Variants in PALM2AKAP2 observed in about 807,000 individuals in gnomAD.
PALM2AKAP2 encodes the protein PALM2-AKAP2 fusion protein.
A neutral mutation model predicts 71.5 loss-of-function variants in PALM2AKAP2; 37 were observed. That is an observed-to-expected ratio of 0.52 (90% CI 0.40 to 0.68). The LOEUF is 0.68. PALM2AKAP2 is among the 30% of genes least tolerant of loss of function. PALM2AKAP2 has a pLI of 0.00. For synonymous variants in PALM2AKAP2, 468 were observed against 478.8 expected, an observed-to-expected ratio of 0.98 and a Z score of 0.29; for missense variants, 1,224 against 1,191.8, an observed-to-expected ratio of 1.03 and a Z score of -0.40.
intron 6 of PALM2AKAP2, among the ~76,000 whole-genome samples, chr9:109,977,031 T>TAAAA (rs372182036): frequency 4.8e-5 from 7 of 144,956 alleles, no homozygotes; most frequent in Non-Finnish European, 9.1e-5. Context: ...AGGGCTTGTT[T>TAAAA]AAAAAAAAAA....
At chr9:110,014,213 G>A (rs1476188939) in intron 6 of PALM2AKAP2, among the ~76,000 whole-genome samples, 1 of 152,096 alleles carries the variant, frequency 6.6e-6, no homozygotes, top group African/African-American at 2.4e-5. Context: ...GCTATCCTTA[G>A]ATAACTATCT....
At chr9:110,154,564 G>A (rs1004785177) in intron 2 of PALM2AKAP2, among the ~76,000 whole-genome samples, 2 of 152,140 alleles carry the variant, frequency 1.3e-5, no homozygotes, top group Non-Finnish European at 2.9e-5. Flanking sequence ...AATGTTTATA[G>A]GGGTCATTAT....
At chr9:109,986,710 A>G (rs1006360233) in intron 6 of PALM2AKAP2, among the ~76,000 whole-genome samples, 4 of 152,308 alleles carry the variant, frequency 2.6e-5, no homozygotes, top group African/African-American at 9.6e-5. Context: ...CTTCATCACA[A>G]TTCTTGCCTT....
chr9:110,142,336 G>T (rs10980219), intron 2 of PALM2AKAP2, among the ~76,000 whole-genome samples: 1 of 151,920 alleles, frequency 6.6e-6, no homozygotes, highest in Non-Finnish European at 1.5e-5. Flanking sequence ...CAGGTGATCC[G>T]CCCGCCTTGG....
At chr9:110,023,403 C>G (rs1242262573) in intron 7 of PALM2AKAP2, among the ~76,000 whole-genome samples, 1 of 147,844 alleles carries the variant, frequency 6.8e-6, no homozygotes, top group Non-Finnish European at 1.5e-5. Context: ...CAACCTCTAC[C>G]TCCTGGGTTC....
intron 1 of PALM2AKAP2, among the ~76,000 whole-genome samples, chr9:110,097,005 G>T (rs1484378290): frequency 5.4e-5 from 8 of 147,848 alleles, no homozygotes; most frequent in Non-Finnish European, 7.5e-5. Context: ...CGCAGAGGGG[G>T]ATTTGGCAGG....
intron 1 of PALM2AKAP2, among the ~76,000 whole-genome samples, chr9:110,102,182 A>G (rs1446513370): frequency 6.6e-6 from 1 of 152,218 alleles, no homozygotes. Flanking sequence ...CTACCTCTGT[A>G]GGACGGCTTT....
chr9:109,869,932 A>G (rs1318693782), intron 2 of PALM2AKAP2, among the ~76,000 whole-genome samples: 2 of 152,032 alleles, frequency 1.3e-5, no homozygotes, highest in Non-Finnish European at 2.9e-5. Flanking sequence ...AGGTGAGTGC[A>G]TTGTATGTCT....
intron 1 of PALM2AKAP2, among the ~76,000 whole-genome samples, chr9:110,080,639 T>A (rs565320): frequency 0.11 from 16,425 of 152,182 alleles, 1,185 homozygotes; most frequent in South Asian, 0.15. Flanking sequence ...CATTGTTAAC[T>A]TAGGTGATAA....
chr9:109,770,043 C>CT (rs745654908), intron 1 of PALM2AKAP2, among the ~76,000 whole-genome samples: 1 of 152,088 alleles, frequency 6.6e-6, no homozygotes, highest in Non-Finnish European at 1.5e-5. Flanking sequence ...GCATTTGTGC[C>CT]TTTTCTGTGC....
chr9:109,972,173 A>C (rs1832080831), intron 6 of PALM2AKAP2, among the ~76,000 whole-genome samples: 2 of 152,170 alleles, frequency 1.3e-5, no homozygotes, highest in Non-Finnish European at 1.5e-5. Flanking sequence ...CTTGCCTATA[A>C]ATACAACTTC....
At chr9:109,732,634 C>T (rs190205239) in intron 1 of PALM2AKAP2, among the ~76,000 whole-genome samples, 79 of 152,100 alleles carry the variant, frequency 5.2e-4, no homozygotes, top group African/African-American at 1.6e-3. Context: ...CCTGATGATA[C>T]GGTGATTACC....
chr9:110,134,994 T>C (rs191032420), intron 1 of PALM2AKAP2, among the ~76,000 whole-genome samples: 2 of 150,144 alleles, frequency 1.3e-5, no homozygotes, highest in East Asian at 1.9e-4. Flanking sequence ...AATAACAAAA[T>C]TACATAGGCT....
chr9:109,934,633 A>G lies in PALM2AKAP2; in HGVS notation c.496+2605A>G, dbSNP rs559284259. On this transcript the variant is annotated intron_variant, in intron 6 of 9. Coordinates refer to the PALM2AKAP2 transcript ENST00000302798. ...TTCAGAGCTAGGCTGCTCACCCCCA[A>G]AATAGAGCACGACGCTGCAGACCAC... 4.6e-5 allele frequency among the ~76,000 whole-genome samples: 7 copies of G among 152,104 alleles called. No individual in the cohort carries two copies. In the South Asian group the frequency reaches 1.5e-3, roughly 32 times the overall value.
chr9:109,770,532 A>G (rs1455994823), intron 1 of PALM2AKAP2, among the ~76,000 whole-genome samples: 3 of 152,236 alleles, frequency 2.0e-5, no homozygotes, highest in African/African-American at 7.2e-5. Flanking sequence ...TAAATGCAGA[A>G]TTTGGCATAG....
chr9:109,666,700 C>T (rs756390354), intron 1 of PALM2AKAP2, among the ~76,000 whole-genome samples: 73 of 152,138 alleles, frequency 4.8e-4, no homozygotes, highest in Non-Finnish European at 8.7e-4. Flanking sequence ...GGGTCTGGCA[C>T]CCTTGTTAGC....
At chr9:110,042,431 C>T (rs910510826) in intron 7 of PALM2AKAP2, among the ~76,000 whole-genome samples, 2 of 152,092 alleles carry the variant, frequency 1.3e-5, no homozygotes, top group Non-Finnish European at 2.9e-5. Context: ...ATCATGCCTG[C>T]TACAGAAAAG....
intron 5 of PALM2AKAP2, among the ~76,000 whole-genome samples, chr9:109,930,632 T>C (rs1313177543): frequency 6.6e-6 from 1 of 152,256 alleles, no homozygotes; most frequent in African/African-American, 2.4e-5. Flanking sequence ...GAAAAGGGTC[T>C]GGTTGGTCTA....
At chr9:109,935,139 T>G (rs1165280542) in intron 6 of PALM2AKAP2, among the ~76,000 whole-genome samples, 3 of 152,240 alleles carry the variant, frequency 2.0e-5, no homozygotes, top group African/African-American at 4.8e-5. Context: ...AGATTTCACT[T>G]GAATCTAGGC....
Sources: gnomAD v4.1 joint callset for allele counts (sites outside exome capture counted in the v4.1 genomes callset) on GRCh38, gnomAD v4.1.1 for gene constraint, MANE v1.5 for transcripts, NCBI Gene and HGNC (gene_info 2026-07-23, HGNC 2026-07-21) for gene names.